ZNF529: variants seen among roughly 807,000 people sequenced by gnomAD.
ZNF529 encodes zinc finger protein 529.
Under a neutral mutation model 10.1 loss-of-function variants are expected in ZNF529, and 11 were observed. The observed-to-expected ratio is 1.09, with a 90% CI of 0.69 to 1.81. The LOEUF (loss-of-function observed/expected upper bound fraction) is 1.81, where lower values mean the gene tolerates loss of function less well. ZNF529 is among the 40% of genes most tolerant of loss of function. The pLI is 0.00. For missense variants in ZNF529, 624 were observed against 666.8 expected, an observed-to-expected ratio of 0.94 and a Z score of 0.71; for synonymous variants, 204 against 215.7, an observed-to-expected ratio of 0.95 and a Z score of 0.47.
intron 1 of ZNF529, among the ~76,000 whole-genome samples, chr19:36,591,235 G>A (rs563711575): frequency 6.7e-6 from 1 of 149,350 alleles, no homozygotes; most frequent in African/African-American, 2.5e-5. Context: ...GGAGGCAGAG[G>A]TTGCAGTGAG....
At chr19:36,565,093 C>A (rs1362213910) in intron 2 of ZNF529, among the ~76,000 whole-genome samples, 2 of 151,846 alleles carry the variant, frequency 1.3e-5, no homozygotes, top group Non-Finnish European at 2.9e-5. Context: ...CTACTAGAGG[C>A]GGGAGGGAGG....
chr19:36,546,876 G>A lies in ZNF529; in HGVS notation c.1682C>T (p.Ser561Leu), dbSNP rs2035041904. The A allele has an allele frequency of 1.2e-6, 2 of 1,605,954 alleles. No homozygotes were observed. Among genetic ancestry groups the A allele is most frequent in the Non-Finnish European group, 1.7e-6 (2 of 1,175,862 alleles). ...CQPKIYTGEKSFD is the reference protein window; with the variant it reads ...CQPKIYTGEKLFD ...CTTTATACATTTATTTCAGTCAAAT[G>A]ATTTCTCACCAGTGTAAATTTTCGG... Residue 561 changes from serine to leucine, a missense_variant, in exon 5 of 5, where the codon TCA becomes TTA. Transcript: ENST00000591340.
chr19:36,572,502 G>T, intron 1 of ZNF529, 110 bp from the exon 2 acceptor site: 1 of 800,582 alleles, frequency 1.2e-6, no homozygotes, highest in Non-Finnish European at 2.0e-6. Flanking sequence ...CACCCAGATC[G>T]AAGAGGGAAA....
chr19:36,562,848 A>G (rs924603413), intron 2 of ZNF529, among the ~76,000 whole-genome samples: 4 of 151,198 alleles, frequency 2.6e-5, no homozygotes, highest in South Asian at 2.1e-4. Context: ...AAAAAAAAAA[A>G]AAGAAGGTGG....
At chr19:36,568,136 A>C (rs747511331) in intron 2 of ZNF529, among the ~76,000 whole-genome samples, 1 of 152,218 alleles carries the variant, frequency 6.6e-6, no homozygotes, top group African/African-American at 2.4e-5. Context: ...ATGGCAGCTG[A>C]GGAAGCTTCA....
At chr19:36,599,928 G>T (rs1489810218) in intron 1 of ZNF529, among the ~76,000 whole-genome samples, 2 of 151,822 alleles carry the variant, frequency 1.3e-5, no homozygotes, top group East Asian at 3.9e-4. Context: ...GAATGTAGTG[G>T]CACGATCTTG....
chr19:36,544,274 T>A lies in ZNF529; in HGVS notation c.*2592A>T, dbSNP rs948103843. On this transcript the variant is annotated 3_prime_UTR_variant, in exon 5 of 5. Transcript: ENST00000591340. ...CGAAGTTAAGTGAAAAATGTTAATA[T>A]GATAAAAATATAGCTGTAACTACAA... is the stretch of plus-strand genomic sequence containing the variant. 5 of 152,142 alleles carry A rather than the reference T, an allele frequency of 3.3e-5. No homozygotes were observed. Among genetic ancestry groups the A allele is most frequent in the Non-Finnish European group, 5.9e-5 (4 of 68,028 alleles). 9.4% of individuals were successfully genotyped at this position (152,142 alleles called of 1,614,324 possible).
chr19:36,594,676 G>A (rs982666834), intron 1 of ZNF529: 1 of 152,228 alleles, frequency 6.6e-6, no homozygotes, highest in Non-Finnish European at 1.5e-5. Context: ...CTAATATGCA[G>A]ATTCATAATT....
Position 36,547,221 on chromosome 19 carries a change from C to A in ZNF529, c.1337G>T (p.Gly446Val). The change falls in exon 5 of 5, where the codon GGT (glycine) becomes GTT (valine). Residue 446 changes from glycine to valine, a missense_variant. By Grantham distance (109) the Gly-to-Val change is moderately radical. Transcript: ENST00000591340. ...ELTRHERIHS[G>V]QKPYECKECG... is the part of the protein sequence containing the mutation. The stretch of plus-strand genomic sequence containing the variant: ...CTCCTTACATTCATAAGGTTTTTGA[C>A]CACTGTGAATTCTTTCATGTCGAGT... The A allele has an allele frequency of 1.2e-6, 2 of 1,613,760 alleles. No individual in the cohort carries two copies. Among genetic ancestry groups the A allele is most frequent in the Non-Finnish European group, 1.7e-6 (2 of 1,179,818 alleles).
rs146166885 is a variant in ZNF529 at position 36,600,843 on chromosome 19, A to G, written c.-128+4283T>C. Reference sequence around the variant, plus strand: ...AATTTTTGAATTGCATATAATTTTCACATGTCATGAAATATTATTCTCCTT... The same window carrying G: ...AATTTTTGAATTGCATATAATTTTCGCATGTCATGAAATATTATTCTCCTT... On this transcript the variant is annotated intron_variant, in intron 1 of 4. Transcript: ENST00000585960. Among the ~76,000 whole-genome samples, 90 of 152,356 alleles carry G rather than the reference A, an allele frequency of 5.9e-4. 1 individual carries two copies. Among genetic ancestry groups the G allele is most frequent in the Non-Finnish European group, 4.0e-4 (27 of 68,032 alleles).
intron 1 of ZNF529, among the ~76,000 whole-genome samples, chr19:36,602,976 A>G (rs1023934283): frequency 1.3e-5 from 2 of 150,882 alleles, no homozygotes; most frequent in Non-Finnish European, 2.9e-5. Flanking sequence ...AACCTCATGC[A>G]AGAACTAGCT....
At chr19:36,574,792 C>T (rs1386024404), upstream of ZNF529, 1 of 469,656 alleles carries the variant, frequency 2.1e-6, no homozygotes, top group African/African-American at 2.0e-5. Flanking sequence ...AGTCATTTTT[C>T]TGTTGTTGAA....
At position 36,548,059 on chromosome 19, in the gene ZNF529, T is replaced by C. The variant is rs370240500; in HGVS notation, c.499A>G (p.Ser167Gly). ...TCCTTGTATTCATAGGGCTTCTCAC[T>C]GTCATGAGTTCTCCGAGGTAAAGTA... is the stretch of plus-strand genomic sequence containing the variant. The part of the protein sequence containing the change: ...SLTLPRRTHD[S>G]EKPYEYKEYE... Residue 167 changes from serine to glycine, a missense_variant, in exon 5 of 5, where the codon AGT becomes GGT. Coordinates refer to ENST00000591340, the MANE Select transcript of ZNF529 (RefSeq NM_020951.5). The C allele has an allele frequency of 1.2e-6, 2 of 1,613,848 alleles. No individual in the cohort carries two copies. Among genetic ancestry groups the C allele is most frequent in the Non-Finnish European group, 1.7e-6 (2 of 1,179,882 alleles).
chr19:36,574,542 G>A (rs941235567), upstream of ZNF529, among the ~76,000 whole-genome samples: 1 of 152,038 alleles, frequency 6.6e-6, no homozygotes, highest in Non-Finnish European at 1.5e-5. Context: ...AGATGGTCTG[G>A]GTGTGCTTAG....
At position 36,547,145 on chromosome 19, in the gene ZNF529, A is replaced by C; in HGVS notation, c.1413T>G (p.Ile471Met). ...LTSALIQHQR[I>M]HSGEKPYECK... The stretch of plus-strand genomic sequence containing the variant: ...ATTCATAAGGTTTCTCACCACTATG[A>C]ATTCTTTGATGTTGAATAAGGGCTG... The change falls in exon 5 of 5, where the codon ATT becomes ATG. Residue 471 changes from isoleucine (I) to methionine (M), a missense_variant. Transcript: ENST00000591340. The C allele has an allele frequency of 6.2e-7, 1 of 1,613,924 alleles. No homozygotes were observed. Among genetic ancestry groups the C allele is most frequent in the Admixed American group, 1.7e-5 (1 of 59,998 alleles).
At chr19:36,591,724 CAA>C (rs57735431) in intron 1 of ZNF529, among the ~76,000 whole-genome samples, 1 of 142,702 alleles carries the variant, frequency 7.0e-6, no homozygotes, top group African/African-American at 2.6e-5. Context: ...AACTCCATCT[CAA>C]AAAAAAAAAA....
At chr19:36,553,586 A>G (rs542244507) in intron 4 of ZNF529, among the ~76,000 whole-genome samples, 5 of 152,358 alleles carry the variant, frequency 3.3e-5, no homozygotes, top group African/African-American at 1.2e-4. Context: ...TTCTTTAGCC[A>G]TAAAGCAGGT....
intron 2 of ZNF529, among the ~76,000 whole-genome samples, chr19:36,563,326 G>C (rs1384749427): frequency 6.6e-6 from 1 of 151,838 alleles, no homozygotes; most frequent in African/African-American, 2.4e-5. Context: ...GGGAGGCTGA[G>C]GCAGGAAAAT....
rs5827961 is a variant in ZNF529 at position 36,571,675 on chromosome 19, CAA to C, written c.14+656_14+657del. ...GGGCAATAACAGTGAAACTCTGTCT[CAA>C]AAAAAAAAAAAAAAGTGTCTAATGG... On this transcript the variant is annotated intron_variant, in intron 2 of 4. Transcript: ENST00000591340. Among the ~76,000 whole-genome samples, 314 of 134,816 alleles carry C rather than the reference CAA, an allele frequency of 2.3e-3. 1 individual carries two copies. The highest frequency in any genetic ancestry group is 6.2e-3 in the African/African-American group (227 of 36,700). 88.4% of individuals were successfully genotyped at this position (134,816 alleles called of 152,430 possible).
Sources: gnomAD v4.1 joint callset for allele counts (sites outside exome capture counted in the v4.1 genomes callset) on GRCh38, gnomAD v4.1.1 for gene constraint, MANE v1.5 for transcripts, NCBI Gene and HGNC (gene_info 2026-07-23, HGNC 2026-07-21) for gene names.